The following NAALADL2 variants were observed in gnomAD, a reference collection of about 807,000 sequenced individuals.
The protein encoded by NAALADL2 is N-acetylated alpha-linked acidic dipeptidase like 2.
A neutral mutation model predicts 87.2 loss-of-function variants in NAALADL2; 76 were observed. The ratio of observed to expected loss-of-function variants is 0.87; its 90% CI spans 0.72 to 1.05. NAALADL2 has a LOEUF of 1.05. Among genes scored for constraint, NAALADL2 ranks in the 50% least tolerant of loss-of-function variants. NAALADL2 has a pLI of 0.00. For synonymous variants in NAALADL2, 354 were observed against 331.0 expected (o/e 1.07, Z -0.75); for missense variants, 1,089 against 945.8 (o/e 1.15, Z -1.99).
At chr3:174,706,457 G>C (rs552913361) in intron 2 of NAALADL2, among the ~76,000 whole-genome samples, 1 of 152,164 alleles carries the variant, frequency 6.6e-6, no homozygotes, top group Admixed American at 6.5e-5. Context: ...TAGATACATT[G>C]TACAATATCA....
chr3:175,688,161 A>G (rs1736566806), intron 11 of NAALADL2, among the ~76,000 whole-genome samples: 1 of 152,152 alleles, frequency 6.6e-6, no homozygotes, highest in Non-Finnish European at 1.5e-5. Flanking sequence ...AAGCAGAATG[A>G]AATGACATTA....
chr3:174,558,628 A>G (rs1713166348), intron 2 of NAALADL2, among the ~76,000 whole-genome samples: 1 of 152,020 alleles, frequency 6.6e-6, no homozygotes, highest in Non-Finnish European at 1.5e-5. Flanking sequence ...CTGATCTGGC[A>G]GGGGGAGAAG....
At chr3:175,232,730 GAAGT>G (rs1232958502) in intron 2 of NAALADL2, among the ~76,000 whole-genome samples, 2 of 152,138 alleles carry the variant, frequency 1.3e-5, no homozygotes, top group Non-Finnish European at 2.9e-5. Context: ...GGTCCTGGAG[GAAGT>G]AAGTGAGAAA....
intron 10 of NAALADL2, among the ~76,000 whole-genome samples, chr3:175,619,900 A>G (rs547722808): frequency 1.3e-5 from 2 of 151,894 alleles, no homozygotes; most frequent in South Asian, 2.1e-4. Context: ...TGATGGCTAG[A>G]CCTCTATGAA....
intron 9 of NAALADL2, among the ~76,000 whole-genome samples, chr3:175,545,144 G>C (rs901572528): frequency 6.6e-6 from 1 of 151,998 alleles, no homozygotes; most frequent in Non-Finnish European, 1.5e-5. Context: ...AACAGAAAAA[G>C]AAACAAGATC....
At chr3:175,308,693 C>T (rs1757992413) in intron 4 of NAALADL2, among the ~76,000 whole-genome samples, 1 of 152,086 alleles carries the variant, frequency 6.6e-6, no homozygotes, top group South Asian at 2.1e-4. Flanking sequence ...ATAGGGATGC[C>T]TTTCTGGACT....
At chr3:175,752,649 T>C (rs1164906269) in intron 12 of NAALADL2, among the ~76,000 whole-genome samples, 1 of 152,168 alleles carries the variant, frequency 6.6e-6, no homozygotes, top group Non-Finnish European at 1.5e-5. Context: ...TAGTTTCCAC[T>C]ATCAGGGTCC....
rs1245282585 is a variant in NAALADL2 at position 175,247,370 on chromosome 3, A to G, written c.820-9041A>G. 1.6e-4 allele frequency among the ~76,000 whole-genome samples: 25 copies of G among 152,178 alleles called. 1 individual carries two copies. Among genetic ancestry groups the G allele is most frequent in the Non-Finnish European group, 1.5e-5 (1 of 68,038 alleles). ...GCATGCTGTGGAAAAATAAAAGCAG[A>G]GCAAAGCAAACTGATAGTGCTGTTT... On this transcript the variant is annotated intron_variant, in intron 3 of 13. Transcript: ENST00000454872.
At chr3:175,105,570 T>TCA (rs1003943606) in intron 2 of NAALADL2, among the ~76,000 whole-genome samples, 1 of 87,196 alleles carries the variant, frequency 1.1e-5, no homozygotes, top group African/African-American at 7.3e-5. Flanking sequence ...ATTTATATAT[T>TCA]CATACACACA....
At chr3:175,445,974 C>G (rs1295925915) in intron 5 of NAALADL2, among the ~76,000 whole-genome samples, 3 of 152,084 alleles carry the variant, frequency 2.0e-5, no homozygotes, top group Non-Finnish European at 4.4e-5. Flanking sequence ...TTGCCCTTGG[C>G]TGAGATCTCT....
intron 13 of NAALADL2, among the ~76,000 whole-genome samples, chr3:175,786,655 G>T (rs149475981): frequency 0.017 from 2,543 of 152,004 alleles, 75 homozygotes; most frequent in African/African-American, 0.058. Flanking sequence ...ATGTCCTCTC[G>T]TAGCTCAGAG....
intron 3 of NAALADL2, among the ~76,000 whole-genome samples, chr3:174,846,023 C>T (rs1183511468): frequency 6.6e-6 from 1 of 152,136 alleles, no homozygotes; most frequent in Admixed American, 6.6e-5. Context: ...AGCAATGTAT[C>T]CACATGGACT....
intron 3 of NAALADL2, among the ~76,000 whole-genome samples, chr3:174,782,530 A>G (rs776022269): frequency 2.0e-5 from 3 of 152,152 alleles, no homozygotes; most frequent in Non-Finnish European, 2.9e-5. Context: ...TATTAAATAC[A>G]TATGTAGCAA....
chr3:174,864,101 C>T (rs1382880674), intron 1 of NAALADL2: 1 of 454,852 alleles, frequency 2.2e-6, no homozygotes, highest in Non-Finnish European at 4.4e-6. Flanking sequence ...GTGAGTCTGA[C>T]CTAAATGAGT....
intron 2 of NAALADL2, among the ~76,000 whole-genome samples, chr3:174,693,896 G>A (rs966018249): frequency 2.6e-5 from 4 of 152,054 alleles, no homozygotes; most frequent in South Asian, 2.1e-4. Context: ...TAACTACAAC[G>A]TAAAGGAAGT....
intron 9 of NAALADL2, among the ~76,000 whole-genome samples, chr3:175,503,391 C>T (rs1213161956): frequency 2.0e-5 from 3 of 152,124 alleles, no homozygotes; most frequent in African/African-American, 7.2e-5. Flanking sequence ...AATGAACATA[C>T]ATATGCATTG....
chr3:174,906,852 A>C (rs1185877250), intron 1 of NAALADL2, among the ~76,000 whole-genome samples: 2 of 152,138 alleles, frequency 1.3e-5, no homozygotes, highest in Non-Finnish European at 2.9e-5. Context: ...TACAGAAACC[A>C]AGAGCTTCAT....
At chr3:174,637,012 A>G (rs1722715486) in intron 2 of NAALADL2, among the ~76,000 whole-genome samples, 1 of 152,172 alleles carries the variant, frequency 6.6e-6, no homozygotes, top group South Asian at 2.1e-4. Flanking sequence ...AAATCATGTT[A>G]TTTGCAGCAA....
rs1267086873 is a variant in NAALADL2, at chr3:175,576,027, A to G, written c.1654-14A>G. 1.9e-6 allele frequency: 3 copies of G among 1,607,294 alleles called. No homozygotes were observed. The African/African-American group carries it at 4.0e-5, about 22-fold the overall frequency. ...AGCATAGTATGTGTTAACAATTTAAATTATGTTTTTCAGAAAAATAATTTC... is the reference window on the plus strand; with the variant it reads ...AGCATAGTATGTGTTAACAATTTAAGTTATGTTTTTCAGAAAAATAATTTC... On this transcript the variant is annotated splice_polypyrimidine_tract_variant and intron_variant, in intron 9 of 13. Transcript: ENST00000454872.
Sources: gnomAD v4.1 joint callset for allele counts (sites outside exome capture counted in the v4.1 genomes callset) on GRCh38, gnomAD v4.1.1 for gene constraint, MANE v1.5 for transcripts, NCBI Gene and HGNC (gene_info 2026-07-23, HGNC 2026-07-21) for gene names.